The following PLEKHO2 variants were observed in gnomAD, a reference collection of about 807,000 sequenced individuals.
PLEKHO2 encodes pleckstrin homology domain containing O2, also known as pleckstrin homology domain-containing family O member 2.
A neutral mutation model predicts 32.7 loss-of-function variants in PLEKHO2; 20 were observed. That is an observed-to-expected ratio of 0.61 (90% confidence interval 0.43 to 0.89). The LOEUF (loss-of-function observed/expected upper bound fraction) is 0.89. Ranked by LOEUF, PLEKHO2 falls within the 40% of genes least tolerant of loss-of-function variation. The probability of loss-of-function intolerance (pLI) is 0.00; values close to 1 mark genes in which losing one functional copy is unlikely to be tolerated. For missense variants in PLEKHO2, 568 were observed against 621.2 expected (o/e 0.91, Z 0.91); for synonymous variants, 247 against 246.3 (o/e 1.00, Z -0.03).
At position 64,862,189 on chromosome 15, in the gene PLEKHO2, A is replaced by G. The variant is rs975281120; in HGVS notation, c.483+614A>G. Among the ~76,000 whole-genome samples the G allele has an allele frequency of 5.9e-5, 9 of 152,182 alleles. No individual in the cohort carries two copies. In the South Asian group the frequency reaches 1.7e-3, roughly 28 times the overall value. On this transcript the variant is annotated intron_variant, in intron 5 of 5. Transcript: ENST00000323544. ...GAGGAAATTGTGGAGGCCTTGGTGA[A>G]GAAGCTGGAGACAAGGAAGGGAGAG... is the stretch of plus-strand genomic sequence containing the variant.
At chr15:64,853,308 G>A (rs1291083139) in intron 2 of PLEKHO2, among the ~76,000 whole-genome samples, 177 of 139,068 alleles carry the variant, frequency 1.3e-3, no homozygotes, top group African/African-American at 2.4e-3. Context: ...ACAGAGTCTC[G>A]CTCTGTTGCC....
intron 3 of PLEKHO2, among the ~76,000 whole-genome samples, chr15:64,856,422 A>C (rs944876639): frequency 6.6e-6 from 1 of 151,678 alleles, no homozygotes; most frequent in Admixed American, 6.6e-5. Flanking sequence ...TGTGGGGTGG[A>C]GGGGGACCTA....
intron 5 of PLEKHO2, among the ~76,000 whole-genome samples, 155 bp downstream of exon 5, chr15:64,861,730 ACACGTGC>A (rs2084643504): frequency 6.6e-6 from 1 of 152,132 alleles, no homozygotes; most frequent in Non-Finnish European, 1.5e-5. Flanking sequence ...CACCTGTGTT[ACACGTGC>A]TCAGGGTATG....
intron 1 of PLEKHO2, among the ~76,000 whole-genome samples, chr15:64,844,593 G>A (rs1335660663): frequency 6.6e-6 from 1 of 152,176 alleles, no homozygotes; most frequent in Non-Finnish European, 1.5e-5. Context: ...CTAGAGACAA[G>A]CAGGGCAGTG....
In PLEKHO2 at chr15:64,854,978, C is replaced by G. The variant is rs368462620; in HGVS notation, c.220C>G (p.Leu74Val). ...GGGCAGCTATGAGAAGTGCCAGGAC[C>G]TTCGTGCCCTCCTCAAGCGAAAACA... ...ELGSYEKCQD[L>V]RALLKRKHRF... Residue 74 changes from leucine to valine, a missense_variant, in exon 3 of 6, where the codon CTT becomes GTT. Transcript: ENST00000323544. 2 of 1,609,768 alleles carry G rather than the reference C, an allele frequency of 1.2e-6. No individual in the cohort carries two copies. Among genetic ancestry groups the G allele is most frequent in the Non-Finnish European group, 1.7e-6 (2 of 1,178,272 alleles).
In PLEKHO2 at chr15:64,866,120, TGGGCTG is replaced by T. The variant is rs57184692; in HGVS notation, c.*247_*252del. On this transcript the variant is annotated 3_prime_UTR_variant, in exon 6 of 6. Transcript: ENST00000323544. Reference sequence around the variant, plus strand: ...CTGCCTGGCTATCTGGCCTGGCCTCTGGGCTGGGGCTGGGGCTGGGAGCACACACGC... The same window carrying T: ...CTGCCTGGCTATCTGGCCTGGCCTCTGGGCTGGGGCTGGGAGCACACACGC... 3.3e-6 allele frequency: 2 copies of T among 615,148 alleles called. No individual in the cohort carries two copies. Among genetic ancestry groups the T allele is most frequent in the Non-Finnish European group, 5.6e-6 (2 of 354,388 alleles). 38.1% of individuals were successfully genotyped at this position (615,148 alleles called of 1,614,324 possible).
Position 64,848,637 on chromosome 15 carries a change from G to A in PLEKHO2, c.57G>A (p.Val19=), listed in dbSNP as rs766966741. The change falls in exon 2 of 6, where the codon GTG becomes GTA. Residue 19 remains valine, a synonymous_variant. Transcript: ENST00000323544. ...AGAAGCCTCGGGGAGCACAGATGGT[G>A]GACAAGGCTGGCTGGATCAAGAAGA... The part of the protein sequence containing the change: ...AGEKPRGAQM[V]DKAGWIKKSS... 2 of 1,614,176 alleles carry A rather than the reference G, an allele frequency of 1.2e-6. No homozygotes were observed. Among genetic ancestry groups the A allele is most frequent in the Non-Finnish European group, 8.5e-7 (1 of 1,180,034 alleles).
At chr15:64,855,219 A>G (rs1230644219) in intron 3 of PLEKHO2, among the ~76,000 whole-genome samples, 182 bp downstream of exon 3, 2 of 152,192 alleles carry the variant, frequency 1.3e-5, no homozygotes, top group Admixed American at 1.3e-4. Context: ...GGAATCTTCC[A>G]AGCCCCTAGT....
chr15:64,860,705 C>T (rs1488301972), intron 4 of PLEKHO2, among the ~76,000 whole-genome samples: 2 of 152,260 alleles, frequency 1.3e-5, no homozygotes, highest in East Asian at 1.9e-4. Context: ...GCTCCTATGT[C>T]GTGTCCTGTG....
intron 1 of PLEKHO2, among the ~76,000 whole-genome samples, chr15:64,845,586 G>A (rs909758868): frequency 3.3e-5 from 5 of 152,180 alleles, no homozygotes; most frequent in Admixed American, 6.5e-5. Context: ...TGGCTGGGCT[G>A]TGGTTCACAC....
Position 64,865,126 on chromosome 15 carries a change from C to T in PLEKHO2, c.711C>T (p.Ser237=), listed in dbSNP as rs765151279. The change falls in exon 6 of 6, where the codon AGC becomes AGT. Residue 237 remains serine (S), a synonymous_variant. Transcript: ENST00000323544. ...GERAPTPVSA[S]SEVSPESQED... is the part of the protein sequence containing the mutation. ...GAGCCCCAACCCCTGTCTCAGCAAGCTCTGAGGTCTCCCCTGAGAGCCAAG... is the reference window on the plus strand; with the variant it reads ...GAGCCCCAACCCCTGTCTCAGCAAGTTCTGAGGTCTCCCCTGAGAGCCAAG... The T allele has an allele frequency of 6.2e-7, 1 of 1,614,018 alleles. No individual in the cohort carries two copies. Among genetic ancestry groups the T allele is most frequent in the African/African-American group, 1.3e-5 (1 of 74,928 alleles).
Position 64,854,982 on chromosome 15 carries a change from G to A in PLEKHO2, c.224G>A (p.Arg75His), listed in dbSNP as rs149641512. ...LGSYEKCQDLRALLKRKHRFI... is the reference protein window; with the variant it reads ...LGSYEKCQDLHALLKRKHRFI... ...AGCTATGAGAAGTGCCAGGACCTTC[G>A]TGCCCTCCTCAAGCGAAAACACCGC... The change falls in exon 3 of 6, where the codon CGT (arginine) becomes CAT (histidine). Residue 75 changes from arginine to histidine, a missense_variant. Physicochemically the swap from Arg to His is conservative, Grantham distance 29. Transcript: ENST00000323544. The A allele has an allele frequency of 1.6e-3, 2,593 of 1,608,980 alleles. 7 individuals carry two copies. Among genetic ancestry groups the A allele is most frequent in the Non-Finnish European group, 1.5e-3 (1,745 of 1,177,814 alleles).
At position 64,865,904 on chromosome 15, in the gene PLEKHO2, A is replaced by T. The variant is rs748487170; in HGVS notation, c.*16A>T. On this transcript the variant is annotated 3_prime_UTR_variant, in exon 6 of 6. Transcript: ENST00000323544. ...TGCACCCTAGGGCCTTCTGGGCCAG[A>T]GGCACCATCCCTTCTGGCCATCCAT... is the stretch of plus-strand genomic sequence containing the variant. 7.6e-6 allele frequency: 12 copies of T among 1,588,716 alleles called. No individual in the cohort carries two copies. The highest frequency in any genetic ancestry group is 1.0e-5 in the Non-Finnish European group (12 of 1,171,194).
At chr15:64,856,465 G>T (rs947166297) in intron 3 of PLEKHO2, among the ~76,000 whole-genome samples, 4 of 152,120 alleles carry the variant, frequency 2.6e-5, no homozygotes, top group African/African-American at 9.7e-5. Flanking sequence ...CTGTTCTGTG[G>T]GCCATCTCTT....
intron 1 of PLEKHO2, among the ~76,000 whole-genome samples, chr15:64,848,339 T>C (rs1439852315): frequency 6.6e-6 from 1 of 152,180 alleles, no homozygotes; most frequent in Admixed American, 6.5e-5. Context: ...GGAGGGGAGT[T>C]GTAAGAGTGA....
chr15:64,854,017 C>G (rs1203683174), intron 2 of PLEKHO2, among the ~76,000 whole-genome samples: 1 of 152,190 alleles, frequency 6.6e-6, no homozygotes, highest in Non-Finnish European at 1.5e-5. Context: ...GCTTCTGCTT[C>G]CCTGGACTCT....
chr15:64,864,011 G>A (rs1465893211), intron 5 of PLEKHO2, among the ~76,000 whole-genome samples: 1 of 152,120 alleles, frequency 6.6e-6, no homozygotes, highest in Admixed American at 6.5e-5. Flanking sequence ...CCAAAGTGCT[G>A]GGATTATAGG....
chr15:64,861,604 G>T, intron 5 of PLEKHO2, 29 bp downstream of exon 5: 1 of 1,538,724 alleles, frequency 6.5e-7, no homozygotes. Flanking sequence ...TGGATGTTGG[G>T]GTTAGTTGAG....
chr15:64,857,861 G>A (rs534335475), intron 3 of PLEKHO2, among the ~76,000 whole-genome samples: 2 of 152,332 alleles, frequency 1.3e-5, no homozygotes, highest in East Asian at 3.9e-4. Context: ...AATGAAGCGA[G>A]TAGAACTTGG....
Sources: gnomAD v4.1 joint callset for allele counts (sites outside exome capture counted in the v4.1 genomes callset) on GRCh38, gnomAD v4.1.1 for gene constraint, MANE v1.5 for transcripts, NCBI Gene and HGNC (gene_info 2026-07-23, HGNC 2026-07-21) for gene names.